KHDRBS2: variants seen among roughly 807,000 people sequenced by gnomAD.
The protein encoded by KHDRBS2 is KH domain-containing, RNA-binding, signal transduction-associated protein 2.
KHDRBS2 carries 26 observed loss-of-function variants against 44.3 expected under a neutral mutation model. The ratio of observed to expected loss-of-function variants is 0.59; its 90% CI spans 0.43 to 0.81. KHDRBS2 has a LOEUF of 0.81. Ranked by LOEUF, KHDRBS2 falls within the 40% of genes least tolerant of loss-of-function variation. The pLI is 0.00. For synonymous variants in KHDRBS2, 194 were observed against 151.1 expected, an observed-to-expected ratio of 1.28 and a Z score of -2.08; for missense variants, 476 against 433.1, an observed-to-expected ratio of 1.10 and a Z score of -0.88.
chr6:62,068,496 C>A (rs1794262123), intron 2 of KHDRBS2, among the ~76,000 whole-genome samples: 1 of 151,382 alleles, frequency 6.6e-6, no homozygotes. Context: ...ATTTATAGCA[C>A]AAACTTTTAA....
chr6:61,786,593 G>T (rs1182185211), intron 6 of KHDRBS2, among the ~76,000 whole-genome samples: 1 of 151,980 alleles, frequency 6.6e-6, no homozygotes, highest in Non-Finnish European at 1.5e-5. Flanking sequence ...CTGAAGTGAT[G>T]AACTGAGTAA....
intron 4 of KHDRBS2, among the ~76,000 whole-genome samples, chr6:61,936,124 C>T (rs1810972251): frequency 6.6e-6 from 1 of 152,032 alleles, no homozygotes; most frequent in Non-Finnish European, 1.5e-5. Context: ...CAAAACTGTT[C>T]TTAAAGCTCT....
intron 7 of KHDRBS2, among the ~76,000 whole-genome samples, chr6:61,726,532 C>T (rs1385123579): frequency 1.3e-5 from 2 of 152,090 alleles, no homozygotes; most frequent in African/African-American, 2.4e-5. Context: ...CTCATCATCT[C>T]AGCCAAAAAG....
intron 3 of KHDRBS2, among the ~76,000 whole-genome samples, chr6:62,031,458 C>T (rs750579612): frequency 1.3e-5 from 2 of 151,988 alleles, no homozygotes; most frequent in African/African-American, 4.8e-5. Context: ...ATCCCCAATT[C>T]CAGGACTTGA....
chr6:61,813,989 A>G (rs76365904), intron 6 of KHDRBS2: 2 of 455,704 alleles, frequency 4.4e-6, no homozygotes, highest in Non-Finnish European at 8.8e-6. Flanking sequence ...CAGTAAAAAA[A>G]GCTTCGTCCT....
chr6:61,814,375 G>A lies in KHDRBS2; in HGVS notation c.810+80260C>T, dbSNP rs370537432. Reference sequence around the variant, plus strand: ...GCCTGAAATCCCAGTTTGGGAGGCCGAGGAGGGTGGATCATGAGGTCAGGA... The same window carrying A: ...GCCTGAAATCCCAGTTTGGGAGGCCAAGGAGGGTGGATCATGAGGTCAGGA... On this transcript the variant is annotated intron_variant, in intron 6 of 8. Transcript: ENST00000281156. Among the ~76,000 whole-genome samples the A allele has an allele frequency of 1.0e-3, 159 of 152,274 alleles. 1 individual carries two copies. The highest frequency in any genetic ancestry group is 3.7e-3 in the African/African-American group (152 of 41,576).
At chr6:61,553,438 C>A in the KHDRBS2 span, among the ~76,000 whole-genome samples, 1 of 150,812 alleles carries the variant, frequency 6.6e-6, no homozygotes, top group East Asian at 1.9e-4. Flanking sequence ...CTATTTATTT[C>A]TTCAGAAAAC....
At chr6:62,153,762 A>C (rs1430424091) in intron 2 of KHDRBS2, among the ~76,000 whole-genome samples, 11 of 152,190 alleles carry the variant, frequency 7.2e-5, no homozygotes, top group African/African-American at 2.7e-4. Flanking sequence ...AATTCCTGAC[A>C]TAAAGTATAC....
chr6:62,068,699 C>T (rs192650013), intron 2 of KHDRBS2, among the ~76,000 whole-genome samples: 1 of 151,662 alleles, frequency 6.6e-6, no homozygotes, highest in African/African-American at 2.4e-5. Context: ...GCTCCAACTT[C>T]ATTGCTTTAC....
In KHDRBS2 at chr6:61,894,650, T is replaced by G. The variant is rs1802573956; in HGVS notation, c.795A>C (p.Glu265Asp). ...GYRAPPPPAH[E>D]AYEEYGYDDG... The stretch of plus-strand genomic sequence containing the variant: ...GAGTACTTACATATTCTTCATAAGC[T>G]TCATGGGCTGGAGGAGGAGGTGCCC... The change falls in exon 6 of 9, where the codon GAA becomes GAC. Residue 265 changes from glutamate (E) to aspartate (D), a missense_variant. Glu to Asp is a conservative substitution (Grantham distance 45). Coordinates refer to ENST00000281156, the MANE Select transcript of KHDRBS2 (RefSeq NM_152688.4). 1 of 1,611,606 alleles carries G rather than the reference T, an allele frequency of 6.2e-7. No individual in the cohort carries two copies. Among genetic ancestry groups the G allele is most frequent in the Admixed American group, 1.7e-5 (1 of 59,292 alleles).
chr6:61,960,544 G>T (rs1186307734), intron 4 of KHDRBS2, among the ~76,000 whole-genome samples: 2 of 151,948 alleles, frequency 1.3e-5, no homozygotes, highest in Non-Finnish European at 2.9e-5. Flanking sequence ...TAAACATATT[G>T]ATCCTTAGAT....
chr6:61,987,999 A>T (rs955111061), intron 3 of KHDRBS2, among the ~76,000 whole-genome samples: 1 of 152,190 alleles, frequency 6.6e-6, no homozygotes, highest in Non-Finnish European at 1.5e-5. Context: ...AAAAGAACCA[A>T]GGGTGATATT....
At chr6:61,769,945 T>A (rs182566925) in intron 6 of KHDRBS2, among the ~76,000 whole-genome samples, 26 of 152,142 alleles carry the variant, frequency 1.7e-4, no homozygotes, top group African/African-American at 6.3e-4. Flanking sequence ...CCAGTAGGGG[T>A]GGACTGACAC....
chr6:62,108,749 A>G (rs1366892560), intron 2 of KHDRBS2, among the ~76,000 whole-genome samples: 3 of 152,208 alleles, frequency 2.0e-5, no homozygotes, highest in Non-Finnish European at 2.9e-5. Context: ...TATATACACC[A>G]TGGAATACTA....
At chr6:62,227,002 A>T (rs1831969924) in intron 1 of KHDRBS2, among the ~76,000 whole-genome samples, 1 of 151,948 alleles carries the variant, frequency 6.6e-6, no homozygotes, top group African/African-American at 2.4e-5. Flanking sequence ...TCTTGGCTTT[A>T]TGGGCCCTTT....
At chr6:61,599,651 C>T in the KHDRBS2 span, among the ~76,000 whole-genome samples, 45 of 152,342 alleles carry the variant, frequency 3.0e-4, no homozygotes, top group African/African-American at 9.9e-4. Flanking sequence ...TAGGATTGAA[C>T]TTTCCCAGGA....
intron 2 of KHDRBS2, among the ~76,000 whole-genome samples, chr6:62,151,363 C>T (rs1208484518): frequency 2.6e-5 from 4 of 152,154 alleles, no homozygotes; most frequent in African/African-American, 9.7e-5. Context: ...TTCACAATCA[C>T]AGTCCCAGAA....
intron 1 of KHDRBS2, among the ~76,000 whole-genome samples, chr6:62,255,271 G>T (rs1837182981): frequency 1.3e-5 from 2 of 152,000 alleles, no homozygotes. Flanking sequence ...TCTATAATGT[G>T]TTACCAACAC....
chr6:62,147,379 T>C lies in KHDRBS2; in HGVS notation c.219+29806A>G, dbSNP rs572323338. ...TTAGTGAGCTAGTGTTCTCCAATTT[T>C]ATAAATTACATTATTAATATCTTTT... On this transcript the variant is annotated intron_variant, in intron 2 of 8. Coordinates refer to ENST00000281156, the MANE Select transcript of KHDRBS2 (RefSeq NM_152688.4). Among the ~76,000 whole-genome samples, 10 of 152,066 alleles carry C rather than the reference T, an allele frequency of 6.6e-5. No homozygotes were observed. In the South Asian group the frequency reaches 2.1e-3, roughly 32 times the overall value.
Sources: gnomAD v4.1 joint callset for allele counts (sites outside exome capture counted in the v4.1 genomes callset) on GRCh38, gnomAD v4.1.1 for gene constraint, MANE v1.5 for transcripts, NCBI Gene and HGNC (gene_info 2026-07-23, HGNC 2026-07-21) for gene names.